GC: variants seen among roughly 807,000 people sequenced by gnomAD.
GC encodes the protein vitamin D-binding protein.
Under a neutral mutation model 56.7 loss-of-function variants are expected in GC, and 43 were observed. That is an observed-to-expected ratio of 0.76 (90% CI 0.59 to 0.98). GC has a LOEUF of 0.98. Ranked by LOEUF, GC falls within the 50% of genes least tolerant of loss-of-function variation. The pLI is 0.00. For missense variants in GC, 529 were observed against 545.9 expected, an observed-to-expected ratio of 0.97 and a Z score of 0.31; for synonymous variants, 216 against 202.7, an observed-to-expected ratio of 1.07 and a Z score of -0.56.
chr4:71,780,697 A>G lies in GC; in HGVS notation c.58+3264T>C, dbSNP rs1742647087. 3.9e-5 allele frequency among the ~76,000 whole-genome samples: 6 copies of G among 152,246 alleles called. No individual in the cohort carries two copies. The South Asian group carries it at 1.2e-3, about 32-fold the overall frequency. On this transcript the variant is annotated intron_variant, in intron 1 of 12. Coordinates refer to ENST00000273951, the MANE Select transcript of GC (RefSeq NM_000583.4). Reference sequence around the variant, plus strand: ...AAACCACAATGAGATACCATCTCACACCAGTTAGAATGGCAATCATTAAAA... The same window carrying G: ...AAACCACAATGAGATACCATCTCACGCCAGTTAGAATGGCAATCATTAAAA...
intron 11 of GC, among the ~76,000 whole-genome samples, chr4:71,748,872 A>T (rs934493781): frequency 8.5e-5 from 13 of 152,154 alleles, no homozygotes; most frequent in Non-Finnish European, 1.2e-4. Flanking sequence ...CCCTGGATAT[A>T]AGTGACTTGC....
At chr4:71,790,180 G>A (rs1177281211) in intron 1 of GC, among the ~76,000 whole-genome samples, 1 of 151,814 alleles carries the variant, frequency 6.6e-6, no homozygotes, top group East Asian at 1.9e-4. Context: ...TATTAGGTGG[G>A]TGCAAAAGTA....
chr4:71,768,861 T>C (rs928392107), intron 2 of GC, among the ~76,000 whole-genome samples: 1 of 152,134 alleles, frequency 6.6e-6, no homozygotes, highest in Non-Finnish European at 1.5e-5. Context: ...TTTATTTGGC[T>C]AATGAAAAAA....
At chr4:71,786,881 A>G (rs1217342031), upstream of GC, among the ~76,000 whole-genome samples, 1 of 151,826 alleles carries the variant, frequency 6.6e-6, no homozygotes, top group Non-Finnish European at 1.5e-5. Flanking sequence ...GATTCTCTTT[A>G]TACTATTAAA....
intron 1 of GC, among the ~76,000 whole-genome samples, chr4:71,774,507 A>AG (rs3836593): frequency 0.43 from 64,634 of 151,626 alleles, 16,487 homozygotes; most frequent in Middle Eastern, 0.63. Flanking sequence ...GTAAAGATAG[A>AG]GGGGGAGGTT....
chr4:71,751,361 CT>C (rs1741548973), intron 11 of GC, among the ~76,000 whole-genome samples: 1 of 152,074 alleles, frequency 6.6e-6, no homozygotes, highest in African/African-American at 2.4e-5. Flanking sequence ...CACCTTCAGT[CT>C]ATATAAAGAT....
At chr4:71,761,235 G>A (rs1055812884) in intron 6 of GC, among the ~76,000 whole-genome samples, 2 of 152,214 alleles carry the variant, frequency 1.3e-5, no homozygotes, top group African/African-American at 4.8e-5. Flanking sequence ...CTGGAGCAAA[G>A]GTGACTCTTG....
chr4:71,785,755 A>G (rs1003152078), upstream of GC, among the ~76,000 whole-genome samples: 2 of 151,762 alleles, frequency 1.3e-5, no homozygotes, highest in African/African-American at 2.4e-5. Flanking sequence ...GTTAATTTAA[A>G]AATGTATTTT....
intron 6 of GC, among the ~76,000 whole-genome samples, chr4:71,762,797 C>G (rs755161015): frequency 1.2e-4 from 19 of 152,176 alleles, no homozygotes; most frequent in Non-Finnish European, 7.3e-5. Context: ...ACTTGCTCCT[C>G]CTTGCCTTCC....
chr4:71,765,466 C>T lies in GC; in HGVS notation c.439G>A (p.Ala147Thr). 1 of 1,613,890 alleles carries T rather than the reference C, an allele frequency of 6.2e-7. No individual in the cohort carries two copies. Among genetic ancestry groups the T allele is most frequent in the Non-Finnish European group, 8.5e-7 (1 of 1,179,912 alleles). ...VEPTNDEICE[A>T]FRKDPKEYAN... ...TATTCCTTTGGATCTTTCCTGAACG[C>T]CTCACAGATTTCATCATTTGTGGGT... Residue 147 changes from alanine (A) to threonine (T), a missense_variant, in exon 4 of 13, where the codon GCG becomes ACG. Transcript: ENST00000273951.
At chr4:71,795,668 T>C (rs1743081365) in intron 1 of GC, among the ~76,000 whole-genome samples, 1 of 152,232 alleles carries the variant, frequency 6.6e-6, no homozygotes, top group South Asian at 2.1e-4. Context: ...TTAAGGTTAA[T>C]ATTGTTATGT....
At chr4:71,748,430 T>C (rs1214541658) in intron 11 of GC, among the ~76,000 whole-genome samples, 1 of 152,080 alleles carries the variant, frequency 6.6e-6, no homozygotes, top group Non-Finnish European at 1.5e-5. Context: ...TTTAAGATTT[T>C]AGTGATCAAT....
chr4:71,752,790 C>T, intron 10 of GC, 140 bp from the exon 11 acceptor site: 1 of 722,864 alleles, frequency 1.4e-6, no homozygotes, highest in South Asian at 1.7e-5. Context: ...AAATTCTATA[C>T]CTGTGGTATA....
intron 11 of GC, among the ~76,000 whole-genome samples, chr4:71,746,789 A>C (rs931189109): frequency 1.3e-5 from 2 of 151,488 alleles, no homozygotes; most frequent in South Asian, 2.1e-4. Flanking sequence ...AAAAAAAAAA[A>C]AAAAAACTAC....
At chr4:71,783,934 A>T in intron 1 of GC, 27 bp downstream of exon 1, 4 of 1,542,594 alleles carry the variant, frequency 2.6e-6, no homozygotes, top group Non-Finnish European at 3.5e-6. Flanking sequence ...GAATTCCTGT[A>T]AATGGTCACA....
At chr4:71,804,016 G>T in exon 1 of GC, 1 of 941,366 alleles carries the variant, frequency 1.1e-6, no homozygotes, top group South Asian at 1.4e-5. Context: ...TCCTGGTGGA[G>T]TAAGCAATCT....
chr4:71,743,638 C>T (rs954390278), intron 12 of GC, among the ~76,000 whole-genome samples: 1 of 152,140 alleles, frequency 6.6e-6, no homozygotes, highest in South Asian at 2.1e-4. Context: ...TTCTGGAAAC[C>T]TAAGATAAGT....
chr4:71,775,956 T>A (rs1371410541), intron 1 of GC, among the ~76,000 whole-genome samples: 2 of 151,814 alleles, frequency 1.3e-5, no homozygotes, highest in African/African-American at 2.4e-5. Flanking sequence ...CAATGAGATA[T>A]CACCTCACAC....
intron 1 of GC, among the ~76,000 whole-genome samples, chr4:71,789,319 C>T (rs1346870565): frequency 1.3e-5 from 2 of 151,422 alleles, no homozygotes; most frequent in South Asian, 2.1e-4. Context: ...GAATGGAGTC[C>T]TAAAAAATAG....
Sources: gnomAD v4.1 joint callset for allele counts (sites outside exome capture counted in the v4.1 genomes callset) on GRCh38, gnomAD v4.1.1 for gene constraint, MANE v1.5 for transcripts, NCBI Gene and HGNC (gene_info 2026-07-23, HGNC 2026-07-21) for gene names.